Variants in PAX7 observed in about 807,000 individuals in gnomAD.
The protein encoded by PAX7 is paired box protein Pax-7.
A neutral mutation model predicts 50.7 loss-of-function variants in PAX7; 18 were observed. The ratio of observed to expected loss-of-function variants is 0.36; its 90% CI spans 0.25 to 0.53. The LOEUF (loss-of-function observed/expected upper bound fraction) is 0.53. Ranked by LOEUF, PAX7 falls within the 20% of genes least tolerant of loss-of-function variation. The pLI, the probability that PAX7 is intolerant of heterozygous loss-of-function variation, is 0.93. For missense variants in PAX7, 644 were observed against 702.9 expected (o/e 0.92, Z 0.95); for synonymous variants, 310 against 290.4 (o/e 1.07, Z -0.69).
At chr1:18,692,039 G>T in intron 5 of PAX7, 86 bp downstream of exon 5, 2 of 1,277,468 alleles carry the variant, frequency 1.6e-6, no homozygotes, top group Non-Finnish European at 2.2e-6. Flanking sequence ...GGGTTTAATG[G>T]GACCCCTCGG....
chr1:18,745,104 G>T lies in PAX7; in HGVS notation c.*175G>T, dbSNP rs1417526086. On this transcript the variant is annotated 3_prime_UTR_variant, in exon 9 of 9. Transcript: ENST00000420770. ...ACAGCCAGCTTGTCACTCACCTGTG[G>T]TTAGGGATCCAGAGTGATGCCCTTG... 3 of 600,490 alleles carry T rather than the reference G, an allele frequency of 5.0e-6. No individual in the cohort carries two copies. Among genetic ancestry groups the T allele is most frequent in the Non-Finnish European group, 5.9e-6 (2 of 336,142 alleles). The allele number at this position is 600,490 out of a possible 1,614,324, so 37.2% of individuals were successfully genotyped here. A position where few individuals can be genotyped will look rare whatever the true frequency, so the allele number is the denominator to read the frequency against.
intron 8 of PAX7, among the ~76,000 whole-genome samples, chr1:18,738,680 C>T (rs557513961): frequency 1.3e-5 from 2 of 152,214 alleles, no homozygotes; most frequent in South Asian, 4.2e-4. Flanking sequence ...CCACATTCTC[C>T]AGCCCTCCCC....
intron 5 of PAX7, among the ~76,000 whole-genome samples, chr1:18,694,637 TGAA>T (rs2089127958): frequency 6.6e-6 from 1 of 152,110 alleles, no homozygotes; most frequent in Non-Finnish European, 1.5e-5. Flanking sequence ...AAGTCCAACA[TGAA>T]GGTCTCCAGG....
chr1:18,673,637 A>G (rs1185433025), intron 4 of PAX7, among the ~76,000 whole-genome samples: 2 of 152,244 alleles, frequency 1.3e-5, no homozygotes, highest in African/African-American at 4.8e-5. Flanking sequence ...TCTAAAACAC[A>G]TCAAACTTTT....
intron 7 of PAX7, among the ~76,000 whole-genome samples, chr1:18,716,956 A>T (rs1277383260): frequency 1.5e-5 from 2 of 132,942 alleles, no homozygotes; most frequent in Non-Finnish European, 3.2e-5. Context: ...GGGCGGACCC[A>T]AGTCCAGGGC....
intron 4 of PAX7, among the ~76,000 whole-genome samples, chr1:18,644,195 C>A (rs1206154287): frequency 6.6e-6 from 1 of 152,216 alleles, no homozygotes; most frequent in African/African-American, 2.4e-5. Flanking sequence ...ACCCACCAGC[C>A]CCCCGCGGCT....
rs779026067 is a variant in PAX7 at position 18,700,526 on chromosome 1, C to T, written c.787-127C>T. ...CAAAGCGTCCTGTGCTGCACAATGC[C>T]GGGGCCTGCAGGAGGATGCTGGCTG... On this transcript the variant is annotated intron_variant, in intron 5 of 8. Transcript: ENST00000420770. This position sits in a 1 kb window ranked among gnomAD's most constrained non-coding sequence, Gnocchi z 4.8. The T allele has an allele frequency of 5.5e-5, 45 of 813,022 alleles. No individual in the cohort carries two copies. The highest frequency in any genetic ancestry group is 3.8e-4 in the African/African-American group (21 of 55,984). The allele number at this position is 813,022 out of a possible 1,614,324, so 50.4% of individuals were successfully genotyped here.
At chr1:18,683,478 C>T (rs1369146489) in intron 4 of PAX7, among the ~76,000 whole-genome samples, 4 of 152,258 alleles carry the variant, frequency 2.6e-5, no homozygotes, top group Admixed American at 2.0e-4. Flanking sequence ...ATTGGAGATT[C>T]GGCAACGAAT....
intron 4 of PAX7, among the ~76,000 whole-genome samples, chr1:18,648,759 G>A (rs2088386925): frequency 6.6e-6 from 1 of 152,216 alleles, no homozygotes; most frequent in Non-Finnish European, 1.5e-5. Context: ...TATTCCAAGG[G>A]CAGCGGGGAG....
chr1:18,656,705 G>A (rs1388081145), intron 4 of PAX7, among the ~76,000 whole-genome samples: 1 of 151,492 alleles, frequency 6.6e-6, no homozygotes, highest in African/African-American at 2.4e-5. Flanking sequence ...AAAAGGGGGG[G>A]ATAATGAGGC....
At position 18,694,511 on chromosome 1, in the gene PAX7, T is replaced by TAAATAA. The variant is rs1557535039; in HGVS notation, c.786+2561_786+2562insTAAAAA. ...AAATAAATAAATAAATAAATAAATATAAAATAAAATAAATCAAGAACATTT... is the reference window on the plus strand; with the variant it reads ...AAATAAATAAATAAATAAATAAATATAAATAAAAAATAAAATAAATCAAGAACATTT... On this transcript the variant is annotated intron_variant, in intron 5 of 8. Transcript: ENST00000420770. 2.9e-3 allele frequency among the ~76,000 whole-genome samples: 397 copies of TAAATAA among 138,686 alleles called. 1 individual carries two copies. The highest frequency in any genetic ancestry group is 0.011 in the East Asian group (52 of 4,534). 91.0% of individuals were successfully genotyped at this position (138,686 alleles called of 152,430 possible).
At chr1:18,640,325 T>C (rs896120017) in intron 4 of PAX7, among the ~76,000 whole-genome samples, 9 of 152,148 alleles carry the variant, frequency 5.9e-5, no homozygotes, top group Admixed American at 1.3e-4. Context: ...CTGTTTTGAT[T>C]GTGTGTACAA....
chr1:18,651,616 G>T (rs896839707), intron 4 of PAX7, among the ~76,000 whole-genome samples: 70 of 152,168 alleles, frequency 4.6e-4, no homozygotes, highest in African/African-American at 1.6e-3. Flanking sequence ...GCTTCAAGGG[G>T]TGACTGTGAA....
At chr1:18,685,163 C>T (rs1289561802) in intron 4 of PAX7, among the ~76,000 whole-genome samples, 1 of 152,178 alleles carries the variant, frequency 6.6e-6, no homozygotes, top group Non-Finnish European at 1.5e-5. Flanking sequence ...CTTTGCAGCC[C>T]CACTGCCCTG....
chr1:18,668,015 C>T (rs756396027), intron 4 of PAX7, among the ~76,000 whole-genome samples: 10 of 152,170 alleles, frequency 6.6e-5, no homozygotes, highest in Admixed American at 6.5e-5. Flanking sequence ...TGGGAAACTT[C>T]CGGGCAAAAC....
At chr1:18,698,464 T>C (rs948571433) in intron 5 of PAX7, among the ~76,000 whole-genome samples, 5 of 152,172 alleles carry the variant, frequency 3.3e-5, no homozygotes, top group Non-Finnish European at 7.4e-5. Context: ...CCCTTCTCCA[T>C]GCCCAGGAGG....
chr1:18,633,677 A>G (rs1316018541), intron 1 of PAX7, among the ~76,000 whole-genome samples: 1 of 152,234 alleles, frequency 6.6e-6, no homozygotes, highest in East Asian at 1.9e-4. Flanking sequence ...AGCCAACAGC[A>G]TATGTCACCC....
intron 4 of PAX7, among the ~76,000 whole-genome samples, chr1:18,687,601 A>G (rs540991038): frequency 1.4e-4 from 22 of 152,178 alleles, no homozygotes; most frequent in African/African-American, 5.1e-4. Flanking sequence ...TCTTCCCCTG[A>G]GCTTGGCCAA....
In PAX7 at chr1:18,700,653, G is replaced by T. The variant is rs753365796; in HGVS notation, c.787G>T (p.Val263Phe). 2 of 1,547,694 alleles carry T rather than the reference G, an allele frequency of 1.3e-6. No homozygotes were observed. Among genetic ancestry groups the T allele is most frequent in the Non-Finnish European group, 1.7e-6 (2 of 1,147,598 alleles). Residue 263 changes from valine to phenylalanine, a missense_variant and splice_region_variant, in exon 6 of 9, where the codon GTC becomes TTC. By Grantham distance (50) the Val-to-Phe change is conservative (BLOSUM62 -1). Transcript: ENST00000420770. The surrounding 1 kb of genome is among the most constrained non-coding windows in gnomAD (Gnocchi z 4.8). ...CCATTCTCTGCTCTCCACCTCCCAG[G>T]TCTGGTTCAGTAACCGCCGCGCCCG... The part of the protein sequence containing the change: ...RTKLTEARVQ[V>F]WFSNRRARWR...
Sources: gnomAD v4.1 joint callset for allele counts (sites outside exome capture counted in the v4.1 genomes callset) on GRCh38, gnomAD v4.1.1 for gene constraint, Gnocchi (gnomAD v3.1) non-coding constraint, MANE v1.5 for transcripts, NCBI Gene and HGNC (gene_info 2026-07-23, HGNC 2026-07-21) for gene names.